The following CCDC38 variants were observed in gnomAD, a reference collection of about 807,000 sequenced individuals.
CCDC38 encodes coiled-coil domain-containing protein 38.
A neutral mutation model predicts 72.8 loss-of-function variants in CCDC38; 69 were observed. The ratio of observed to expected loss-of-function variants is 0.95; its 90% CI spans 0.78 to 1.16. The LOEUF (loss-of-function observed/expected upper bound fraction) is 1.16. CCDC38 is among the 50% of genes most tolerant of loss of function. The pLI, the probability that CCDC38 is intolerant of heterozygous loss-of-function variation, is 0.00. For synonymous variants in CCDC38, 201 were observed against 213.2 expected (o/e 0.94, Z 0.50); for missense variants, 626 against 638.9 (o/e 0.98, Z 0.22).
chr12:95,929,711 A>C (rs2080316370), intron 2 of CCDC38, among the ~76,000 whole-genome samples: 1 of 152,250 alleles, frequency 6.6e-6, no homozygotes, highest in Non-Finnish European at 1.5e-5. Flanking sequence ...AAGAAAACTA[A>C]ATTTCTGAAC....
intron 15 of CCDC38, among the ~76,000 whole-genome samples, chr12:95,868,931 G>T (rs2079551955): frequency 6.6e-6 from 1 of 152,092 alleles, no homozygotes; most frequent in Non-Finnish European, 1.5e-5. Context: ...TACAATGTGG[G>T]GATTATACAC....
intron 10 of CCDC38, among the ~76,000 whole-genome samples, chr12:95,883,273 G>T (rs187481421): frequency 6.6e-6 from 1 of 152,124 alleles, no homozygotes; most frequent in African/African-American, 2.4e-5. Context: ...GTGCAAATAG[G>T]ATTGGGTCTC....
intron 10 of CCDC38, among the ~76,000 whole-genome samples, chr12:95,884,680 C>T (rs1386514429): frequency 6.6e-6 from 1 of 152,242 alleles, no homozygotes; most frequent in Non-Finnish European, 1.5e-5. Flanking sequence ...TTTCTCTTAG[C>T]TGCTCCTATT....
intron 5 of CCDC38, 71 bp from the exon 6 acceptor site, chr12:95,898,802 C>G (rs948190682): frequency 1.4e-6 from 2 of 1,397,646 alleles, no homozygotes; most frequent in East Asian, 4.6e-5. Flanking sequence ...GTCTTATACA[C>G]AGCAAGTGAA....
In CCDC38 at chr12:95,879,459, A is replaced by G. The variant is rs2079673308; in HGVS notation, c.1142+185T>C. Among the ~76,000 whole-genome samples the G allele has an allele frequency of 6.6e-6, 1 of 152,192 alleles. No homozygotes were observed. On this transcript the variant is annotated intron_variant, in intron 12 of 15. Transcript: ENST00000344280. This position sits in a 1 kb window ranked among gnomAD's most constrained non-coding sequence, Gnocchi z 5.5. ...GACAAGTGAAAGGAAGTAGGGACAAAATTAAAGCCAGTCTATTCTGTGTAA... is the reference window on the plus strand; with the variant it reads ...GACAAGTGAAAGGAAGTAGGGACAAGATTAAAGCCAGTCTATTCTGTGTAA...
Position 95,898,468 on chromosome 12 carries a change from G to A in CCDC38, c.534-3C>T. On this transcript the variant is annotated splice_region_variant and splice_polypyrimidine_tract_variant and intron_variant, in intron 6 of 15. Transcript: ENST00000344280. ...TGTTTATTGTTTCCTGTGCTGCCCT[G>A]AAAAGCAATGAAGATCTGTTAATTT... is the stretch of plus-strand genomic sequence containing the variant. 1.2e-6 allele frequency: 2 copies of A among 1,613,986 alleles called. No individual in the cohort carries two copies. Among genetic ancestry groups the A allele is most frequent in the South Asian group, 2.2e-5 (2 of 91,076 alleles).
chr12:95,878,010 A>G (rs781042437), intron 13 of CCDC38, among the ~76,000 whole-genome samples: 5 of 152,248 alleles, frequency 3.3e-5, no homozygotes, highest in Non-Finnish European at 7.3e-5. Flanking sequence ...GAGAACCCCA[A>G]TGCCAATTTG....
intron 2 of CCDC38, among the ~76,000 whole-genome samples, chr12:95,933,013 T>C (rs1038284616): frequency 2.0e-5 from 3 of 152,160 alleles, no homozygotes. Flanking sequence ...AAAAGGAAAT[T>C]GGATCTTTAC....
chr12:95,903,393 T>C, intron 5 of CCDC38: 2 of 695,762 alleles, frequency 2.9e-6, no homozygotes, highest in Admixed American at 4.1e-5. Context: ...TTTTCTTGTC[T>C]TATTGCACTA....
chr12:95,891,355 A>G (rs544141135), intron 8 of CCDC38, among the ~76,000 whole-genome samples: 73 of 151,964 alleles, frequency 4.8e-4, no homozygotes, highest in African/African-American at 1.7e-3. Context: ...ATTTTATTTT[A>G]TTTTTTTGGG....
At chr12:95,941,037 T>G (rs1240641220) in intron 1 of CCDC38, among the ~76,000 whole-genome samples, 1 of 152,230 alleles carries the variant, frequency 6.6e-6, no homozygotes, top group East Asian at 1.9e-4. Context: ...CTTATCCATC[T>G]ATAACTACTG....
intron 5 of CCDC38, chr12:95,903,663 T>C: frequency 2.1e-6 from 1 of 484,990 alleles, no homozygotes; most frequent in Non-Finnish European, 3.6e-6. Flanking sequence ...GGGTTTTCAT[T>C]TTTAATTTGT....
chr12:95,917,806 G>T (rs756638988), intron 3 of CCDC38, among the ~76,000 whole-genome samples: 14 of 150,250 alleles, frequency 9.3e-5, no homozygotes, highest in Non-Finnish European at 1.9e-4. Context: ...TGGTGGTAAA[G>T]GTGGCAGTGA....
At chr12:95,920,533 T>C (rs1282096767) in intron 2 of CCDC38, among the ~76,000 whole-genome samples, 2 of 152,176 alleles carry the variant, frequency 1.3e-5, no homozygotes, top group African/African-American at 4.8e-5. Context: ...GAGAAAGGAA[T>C]GAAGTACAAT....
chr12:95,915,567 C>A (rs898018577), intron 4 of CCDC38, among the ~76,000 whole-genome samples: 1 of 152,176 alleles, frequency 6.6e-6, no homozygotes, highest in Non-Finnish European at 1.5e-5. Flanking sequence ...AACCTCCCAG[C>A]GTGTGGTTGC....
In CCDC38 at chr12:95,869,460, C is replaced by G; in HGVS notation, c.1578+20G>C. ...GTATCACATATTGATATGGCTGGAT[C>G]TATTAATAGCAAAACAAACCTTTTT... is the stretch of plus-strand genomic sequence containing the variant. On this transcript the variant is annotated intron_variant, in intron 15 of 15. Transcript: ENST00000344280. 6.3e-7 allele frequency: 1 copy of G among 1,580,116 alleles called. No homozygotes were observed. Among genetic ancestry groups the G allele is most frequent in the Non-Finnish European group, 8.7e-7 (1 of 1,152,610 alleles).
At chr12:95,925,420 C>T (rs1257589217) in intron 2 of CCDC38, among the ~76,000 whole-genome samples, 15 of 152,092 alleles carry the variant, frequency 9.9e-5, no homozygotes, top group Admixed American at 2.6e-4. Context: ...AAGTTGCTTA[C>T]CAGCTTAAGG....
At chr12:95,925,280 G>C (rs975672312) in intron 2 of CCDC38, among the ~76,000 whole-genome samples, 28 of 152,158 alleles carry the variant, frequency 1.8e-4, no homozygotes, top group Non-Finnish European at 1.9e-4. Flanking sequence ...GGATTCCTAG[G>C]TATTTTATTC....
chr12:95,904,740 C>T (rs2079984334), intron 5 of CCDC38, among the ~76,000 whole-genome samples: 1 of 152,160 alleles, frequency 6.6e-6, no homozygotes, highest in Non-Finnish European at 1.5e-5. Flanking sequence ...TCTCCAGACC[C>T]TCTGAGTGTG....
Sources: gnomAD v4.1 joint callset for allele counts (sites outside exome capture counted in the v4.1 genomes callset) on GRCh38, gnomAD v4.1.1 for gene constraint, Gnocchi (gnomAD v3.1) non-coding constraint, MANE v1.5 for transcripts, NCBI Gene and HGNC (gene_info 2026-07-23, HGNC 2026-07-21) for gene names.